The following CEP63 variants were observed in gnomAD, a reference collection of about 807,000 sequenced individuals.
CEP63 encodes centrosomal protein 63.
CEP63 carries 84 observed loss-of-function variants against 89.1 expected under a neutral mutation model. The ratio of observed to expected loss-of-function variants is 0.94; its 90% CI spans 0.79 to 1.13. The LOEUF is 1.13. Among genes scored for constraint, CEP63 ranks in the 50% most tolerant of loss-of-function variants. The pLI is 0.00. For missense variants in CEP63, 838 were observed against 813.3 expected (o/e 1.03, Z -0.37); for synonymous variants, 267 against 272.5 (o/e 0.98, Z 0.20).
At chr3:134,497,366 T>C (rs1023050072) in intron 2 of CEP63, among the ~76,000 whole-genome samples, 1 of 152,126 alleles carries the variant, frequency 6.6e-6, no homozygotes, top group Non-Finnish European at 1.5e-5. Context: ...GCATTTCCTC[T>C]ATATTTTCTT....
rs1385523348 is a variant in CEP63 at position 134,559,018 on chromosome 3, CT to C, written c.1674-131del. The C allele has an allele frequency of 3.6e-6, 3 of 829,958 alleles. No individual in the cohort carries two copies. In the African/African-American group the frequency reaches 5.1e-5, roughly 14 times the overall value. The allele number at this position is 829,958 out of a possible 1,614,324, so 51.4% of individuals were successfully genotyped here. ...TGAATGAAAGAAATCTCTTTCTGATCTGAGTAGGTTGCTCATTTTGTAAATT... is the reference window on the plus strand; with the variant it reads ...TGAATGAAAGAAATCTCTTTCTGATCGAGTAGGTTGCTCATTTTGTAAATT... On this transcript the variant is annotated intron_variant, in intron 13 of 14. Transcript: ENST00000675561.
chr3:134,739,090 A>G, the CEP63 span, among the ~76,000 whole-genome samples: 3 of 152,194 alleles, frequency 2.0e-5, no homozygotes, highest in Admixed American at 6.5e-5. Flanking sequence ...GACTTTCTCA[A>G]TAGGTTAAAT....
At chr3:134,773,678 C>A in the CEP63 span, among the ~76,000 whole-genome samples, 1 of 152,102 alleles carries the variant, frequency 6.6e-6, no homozygotes, top group Non-Finnish European at 1.5e-5. Context: ...TAGACTTCAG[C>A]CCCACAGCCC....
At chr3:134,770,318 T>A in the CEP63 span, among the ~76,000 whole-genome samples, 1,454 of 152,350 alleles carry the variant, frequency 9.5e-3, 27 homozygotes, top group African/African-American at 0.032. Flanking sequence ...AGCCAGTCCA[T>A]GAGAGTCTGT....
Position 134,561,498 on chromosome 3 carries a change from G to T in CEP63, c.2075G>T (p.Ser692Ile). 1 of 1,613,806 alleles carries T rather than the reference G, an allele frequency of 6.2e-7. No individual in the cohort carries two copies. The highest frequency in any genetic ancestry group is 8.5e-7 in the Non-Finnish European group (1 of 1,179,922). The change falls in exon 15 of 15, where the codon AGT becomes ATT. Residue 692 changes from serine (S) to isoleucine (I), a missense_variant. Transcript: ENST00000675561. Reference protein sequence around the residue: ...DAHIEELKRESEKTVRQFTAL... With the variant: ...DAHIEELKREIEKTVRQFTAL... ...CATATTGAAGAACTAAAAAGAGAGA[G>T]TGAAAAGACAGTGAGACAATTCACA...
chr3:134,666,399 T>C, the CEP63 span, among the ~76,000 whole-genome samples: 1 of 152,266 alleles, frequency 6.6e-6, no homozygotes, highest in Admixed American at 6.5e-5. Flanking sequence ...AAAAAAGTCT[T>C]TCGTAGGGAT....
chr3:134,701,614 A>T, the CEP63 span, among the ~76,000 whole-genome samples: 2 of 151,976 alleles, frequency 1.3e-5, no homozygotes, highest in Non-Finnish European at 2.9e-5. Flanking sequence ...ACCCATGGCC[A>T]GTATCATACT....
intron 10 of CEP63, among the ~76,000 whole-genome samples, chr3:134,581,621 A>G (rs1296331482): frequency 6.6e-6 from 1 of 151,820 alleles, no homozygotes; most frequent in African/African-American, 2.4e-5. Flanking sequence ...AAATTATATA[A>G]TCACTTTAAT....
intron 8 of CEP63, 35 bp downstream of exon 8, chr3:134,546,323 A>G: frequency 1.3e-6 from 2 of 1,569,520 alleles, no homozygotes; most frequent in Non-Finnish European, 1.8e-6. Context: ...CATCTTAGCC[A>G]CTTAATGACT....
At chr3:134,571,362 C>G (rs1027120907) in intron 11 of CEP63, among the ~76,000 whole-genome samples, 1 of 152,166 alleles carries the variant, frequency 6.6e-6, no homozygotes, top group African/African-American at 2.4e-5. Flanking sequence ...CTATGGACCC[C>G]TCAGAATAAT....
chr3:134,658,072 A>G, the CEP63 span, among the ~76,000 whole-genome samples: 14 of 151,756 alleles, frequency 9.2e-5, 1 homozygote, highest in Admixed American at 9.2e-4. Context: ...AATTTTTTGT[A>G]TTTTTAGTAG....
chr3:134,781,793 G>A, the CEP63 span, among the ~76,000 whole-genome samples: 1 of 152,168 alleles, frequency 6.6e-6, no homozygotes, highest in East Asian at 1.9e-4. Context: ...TGATTTCCCT[G>A]TACAGTCTCT....
At chr3:134,757,081 A>G in the CEP63 span, among the ~76,000 whole-genome samples, 1 of 152,210 alleles carries the variant, frequency 6.6e-6, no homozygotes, top group Non-Finnish European at 1.5e-5. Context: ...GTTCCCATGG[A>G]GATATCAAGC....
chr3:134,693,726 C>A, the CEP63 span, among the ~76,000 whole-genome samples: 1 of 152,184 alleles, frequency 6.6e-6, no homozygotes, highest in Non-Finnish European at 1.5e-5. Flanking sequence ...CCATGGTCAC[C>A]AAACTCTTGG....
At position 134,508,047 on chromosome 3, in the gene CEP63, G is replaced by A. The variant is rs1358831776; in HGVS notation, c.222+761G>A. Among the ~76,000 whole-genome samples the A allele has an allele frequency of 2.6e-5, 4 of 152,196 alleles. No homozygotes were observed. In the East Asian group the frequency reaches 7.7e-4, roughly 29 times the overall value. ...ACTCTGAAGACCTTTTCTACCAGTAGGGTCACCATTCATTAAGGCTGTCAT... is the reference window on the plus strand; with the variant it reads ...ACTCTGAAGACCTTTTCTACCAGTAAGGTCACCATTCATTAAGGCTGTCAT... On this transcript the variant is annotated intron_variant, in intron 3 of 14. Transcript: ENST00000675561.
intron 6 of CEP63, among the ~76,000 whole-genome samples, chr3:134,542,178 G>A (rs1459181131): frequency 6.6e-6 from 1 of 152,128 alleles, no homozygotes; most frequent in African/African-American, 2.4e-5. Flanking sequence ...TAGATGAGCT[G>A]TAAAATATTC....
chr3:134,500,477 G>A lies in CEP63; in HGVS notation c.44+5113G>A, dbSNP rs188306768. Among the ~76,000 whole-genome samples the A allele has an allele frequency of 1.8e-4, 28 of 152,214 alleles. No homozygotes were observed. In the East Asian group the frequency reaches 4.8e-3, roughly 26 times the overall value. On this transcript the variant is annotated intron_variant, in intron 2 of 14. Coordinates refer to ENST00000675561, the MANE Select transcript of CEP63 (RefSeq NM_001353108.3). Reference sequence around the variant, plus strand: ...TACCTGGTAATGGAATTGCTGAATCGATTGGTAGTCTCATTCTATTTTTAG... The same window carrying A: ...TACCTGGTAATGGAATTGCTGAATCAATTGGTAGTCTCATTCTATTTTTAG...
intron 3 of CEP63, among the ~76,000 whole-genome samples, chr3:134,518,098 C>T (rs1250125168): frequency 6.6e-6 from 1 of 152,022 alleles, no homozygotes; most frequent in African/African-American, 2.4e-5. Flanking sequence ...GGTCAGTTAA[C>T]CAGGTTGCTT....
the CEP63 span, among the ~76,000 whole-genome samples, chr3:134,707,564 T>C: frequency 3.3e-5 from 5 of 152,294 alleles, no homozygotes; most frequent in East Asian, 9.7e-4. Flanking sequence ...CCACTACTAC[T>C]GTCTCCTCTT....
Sources: gnomAD v4.1 joint callset for allele counts (sites outside exome capture counted in the v4.1 genomes callset) on GRCh38, gnomAD v4.1.1 for gene constraint, MANE v1.5 for transcripts, NCBI Gene and HGNC (gene_info 2026-07-23, HGNC 2026-07-21) for gene names.